Variants in CLCC1 observed in about 807,000 individuals in gnomAD.
CLCC1 encodes the protein chloride channel CLIC like 1.
Under a neutral mutation model 63.3 loss-of-function variants are expected in CLCC1, and 39 were observed. The observed-to-expected ratio is 0.62, with a 90% CI of 0.48 to 0.81. CLCC1 has a LOEUF of 0.81. CLCC1 is among the 30% of genes least tolerant of loss of function. The probability of loss-of-function intolerance (pLI) is 0.00; values close to 1 mark genes in which losing one functional copy is unlikely to be tolerated. For missense variants in CLCC1, 549 were observed against 669.4 expected (o/e 0.82, Z 1.98); for synonymous variants, 217 against 239.8 (o/e 0.90, Z 0.88).
intron 2 of CLCC1, among the ~76,000 whole-genome samples, chr1:108,956,615 C>A (rs1246594127): frequency 6.7e-6 from 1 of 148,168 alleles, no homozygotes; most frequent in African/African-American, 2.6e-5. Flanking sequence ...GAGGCGAGAT[C>A]ACACCACTGC....
chr1:108,954,332 A>G (rs1408826874), intron 2 of CLCC1, among the ~76,000 whole-genome samples: 1 of 150,744 alleles, frequency 6.6e-6, no homozygotes, highest in East Asian at 1.9e-4. Flanking sequence ...ATAAAACAAC[A>G]ACAACAACAA....
At chr1:108,958,505 A>T (rs1177534699) in intron 2 of CLCC1, among the ~76,000 whole-genome samples, 2 of 151,542 alleles carry the variant, frequency 1.3e-5, no homozygotes, top group South Asian at 4.1e-4. Flanking sequence ...CCTAAAGCAC[A>T]GTAGTAACGA....
intron 7 of CLCC1, 138 bp from the exon 8 acceptor site, chr1:108,941,636 AC>A (rs1653855836): frequency 1.3e-5 from 6 of 473,560 alleles, no homozygotes; most frequent in Non-Finnish European, 1.8e-5. Flanking sequence ...TTAAAAAAAA[AC>A]ATATTATTAT....
intron 10 of CLCC1, among the ~76,000 whole-genome samples, chr1:108,938,348 C>G (rs1367728504): frequency 1.3e-5 from 2 of 152,188 alleles, no homozygotes; most frequent in Non-Finnish European, 2.9e-5. Flanking sequence ...GGTGAAGACT[C>G]TGCTGATAAT....
At chr1:108,935,481 A>G (rs1163382719) in intron 11 of CLCC1, among the ~76,000 whole-genome samples, 2 of 152,180 alleles carry the variant, frequency 1.3e-5, no homozygotes, top group Admixed American at 6.6e-5. Context: ...TGAAAAAGTG[A>G]TATGGTTAGG....
At position 108,934,906 on chromosome 1, in the gene CLCC1, TC is replaced by T; in HGVS notation, c.1419del (p.Thr474GlnfsTer106). 6.2e-7 allele frequency: 1 copy of T among 1,613,926 alleles called. No homozygotes were observed. The highest frequency in any genetic ancestry group is 8.5e-7 in the Non-Finnish European group (1 of 1,179,824). Reference sequence around the variant, plus strand: ...GTGCCTTCCCCCAGGATTCCACCTGTCTCCTTGGGCTTTGTATCCAAAACAG... The same window carrying T: ...GTGCCTTCCCCCAGGATTCCACCTGTTCCTTGGGCTTTGTATCCAAAACAG... Reference protein sequence around the residue: ...KSPVLDTKPKETGGILGEGTP... With the variant: ...KSPVLDTKPKXTGGILGEGTP... On this transcript the variant is annotated frameshift_variant, in exon 12 of 13. Transcript: ENST00000369969. LOFTEE classifies it high-confidence loss of function.
chr1:108,949,951 C>A (rs1192490292), intron 3 of CLCC1, 30 bp from the exon 4 acceptor site: 1 of 1,353,452 alleles, frequency 7.4e-7, no homozygotes, highest in Non-Finnish European at 1.0e-6. Context: ...CATTTTATTT[C>A]TTTATAGTTT....
rs1041804948 is a variant in CLCC1 at position 108,931,923 on chromosome 1, C to A, written c.*624G>T. 1.9e-5 allele frequency: 3 copies of A among 155,380 alleles called. No homozygotes were observed. Among genetic ancestry groups the A allele is most frequent in the African/African-American group, 7.2e-5 (3 of 41,448 alleles). The allele number at this position is 155,380 out of a possible 1,614,324, so 9.6% of individuals were successfully genotyped here. A position where few individuals can be genotyped will look rare whatever the true frequency, so the allele number is the denominator to read the frequency against. On this transcript the variant is annotated 3_prime_UTR_variant, in exon 13 of 13. Coordinates refer to ENST00000369969, the MANE Select transcript of CLCC1 (RefSeq NM_001377458.1). ...CAGCCTGTAAACATTCAACATTATT[C>A]CATTTAAACATTGTTTTTAACAGCT...
intron 11 of CLCC1, among the ~76,000 whole-genome samples, chr1:108,935,315 A>G (rs1652738130): frequency 6.6e-6 from 1 of 152,232 alleles, no homozygotes; most frequent in South Asian, 2.1e-4. Context: ...AAAATACATA[A>G]AACTGTTCTC....
chr1:108,950,449 C>A lies in CLCC1; in HGVS notation c.-11-1G>T. The A allele has an allele frequency of 6.6e-7, 1 of 1,526,170 alleles. No individual in the cohort carries two copies. Among genetic ancestry groups the A allele is most frequent in the Non-Finnish European group, 8.8e-7 (1 of 1,134,210 alleles). The allele number at this position is 1,526,170 out of a possible 1,614,324, so 94.5% of individuals were successfully genotyped here. ...AAAGAACACAGCATCCTGTATAAGG[C>A]TAAAACAATTTTTAATATATATAAT... On this transcript the variant is annotated splice_acceptor_variant, in intron 2 of 12. Transcript: ENST00000369969. LOFTEE classifies it low-confidence loss of function (5UTR_SPLICE).
rs76958472 is a variant in CLCC1, at chr1:108,947,406, C to A, written c.339+205G>T. ...TCCATACAAACTAGAGGAGAAAGAG[C>A]GGTCTGCACTGCTCATCTTCCACCA... On this transcript the variant is annotated intron_variant, in intron 5 of 12. Coordinates refer to ENST00000369969, the MANE Select transcript of CLCC1 (RefSeq NM_001377458.1). Among the ~76,000 whole-genome samples the A allele has an allele frequency of 1.5e-3, 222 of 152,258 alleles. 1 individual carries two copies. Among genetic ancestry groups the A allele is most frequent in the African/African-American group, 4.8e-3 (199 of 41,550 alleles).
chr1:108,937,462 A>G (rs1653188907), intron 10 of CLCC1, 44 bp from the exon 11 acceptor site: 5 of 1,460,686 alleles, frequency 3.4e-6, no homozygotes, highest in Non-Finnish European at 4.6e-6. Flanking sequence ...TCAATGGCTA[A>G]CTTACAAAAG....
Position 108,941,439 on chromosome 1 carries a change from A to T in CLCC1, c.762T>A (p.Cys254Ter). The change falls in exon 8 of 13, where the codon TGT becomes TGA. Residue 254 changes from cysteine to a stop codon, truncating the protein, a stop_gained. Transcript: ENST00000369969. LOFTEE classifies it high-confidence loss of function. The stretch of plus-strand genomic sequence containing the variant: ...TTCCAGTCCAGTCCATCTTTTTGGC[A>T]CACACATTGTTTAATGGCTCCATCT... ...VAKMEPLNNV[C>*]AKKMDWTGSI... is the part of the protein sequence containing the mutation. 1 of 1,614,130 alleles carries T rather than the reference A, an allele frequency of 6.2e-7. No individual in the cohort carries two copies. The highest frequency in any genetic ancestry group is 8.5e-7 in the Non-Finnish European group (1 of 1,180,022).
chr1:108,937,080 G>A lies in CLCC1; in HGVS notation c.1380C>T (p.Pro460=). ...AEAREHPTVV[P]SHKSPVLDTK... ...AATAAAAGAGTTGCTGACTTACACT[G>A]GGTACCACCGTGGGATGCTCTCGTG... is the stretch of plus-strand genomic sequence containing the variant. Residue 460 remains proline (P), a synonymous_variant, in exon 11 of 13, where the codon CCC becomes CCT. Transcript: ENST00000369969. 2 of 1,500,466 alleles carry A rather than the reference G, an allele frequency of 1.3e-6. No homozygotes were observed. Among genetic ancestry groups the A allele is most frequent in the South Asian group, 1.4e-5 (1 of 71,566 alleles). The allele number at this position is 1,500,466 out of a possible 1,614,324, so 92.9% of individuals were successfully genotyped here.
Position 108,934,708 on chromosome 1 carries a change from G to A in CLCC1, c.1618C>T (p.Pro540Ser). 5 of 1,613,940 alleles carry A rather than the reference G, an allele frequency of 3.1e-6. No homozygotes were observed. Among genetic ancestry groups the A allele is most frequent in the Non-Finnish European group, 4.2e-6 (5 of 1,180,042 alleles). The change falls in exon 12 of 13, where the codon CCA (proline) becomes TCA (serine). Residue 540 changes from proline (P) to serine (S), a missense_variant. By Grantham distance (74) the Pro-to-Ser change is moderately conservative. Transcript: ENST00000369969. ...CTGCTGACCGGATCCTGTCCACGTG[G>A]TCCAGCCACACCTCTTGCGGGGCTG... Reference protein sequence around the residue: ...TYSPARGVAGPRGQDPVSSPC... With the variant: ...TYSPARGVAGSRGQDPVSSPC...
intron 11 of CLCC1, among the ~76,000 whole-genome samples, chr1:108,936,085 G>GTTTTTTT (rs530980387): frequency 6.8e-5 from 6 of 88,118 alleles, no homozygotes; most frequent in Admixed American, 1.5e-4. Flanking sequence ...ATCTTAAGTT[G>GTTTTTTT]TTTTTTTTTT....
rs1051118418 is a variant in CLCC1 at position 108,930,813 on chromosome 1, C to T, written c.*1734G>A. ...CTGAGGCAGGAGAATCACTTGAACC[C>T]CTGGGAGGCAGAGATTGCAGTGAGC... On this transcript the variant is annotated 3_prime_UTR_variant, in exon 13 of 13. Transcript: ENST00000369969. 2 of 152,632 alleles carry T rather than the reference C, an allele frequency of 1.3e-5. No homozygotes were observed. Among genetic ancestry groups the T allele is most frequent in the African/African-American group, 4.8e-5 (2 of 41,362 alleles). 9.5% of individuals were successfully genotyped at this position (152,632 alleles called of 1,614,324 possible). A position where few individuals can be genotyped will look rare whatever the true frequency, so the allele number is the denominator to read the frequency against.
chr1:108,944,682 T>G (rs1429708440), intron 5 of CLCC1, among the ~76,000 whole-genome samples: 1 of 151,578 alleles, frequency 6.6e-6, no homozygotes. Flanking sequence ...CAGGCTGGAG[T>G]GCAGTGACGC....
intron 10 of CLCC1, among the ~76,000 whole-genome samples, chr1:108,938,550 T>C (rs1373274321): frequency 6.6e-6 from 1 of 152,254 alleles, no homozygotes; most frequent in Non-Finnish European, 1.5e-5. Context: ...GAGTTCTTTT[T>C]GTTTTATGCG....
Sources: allele counts gnomAD v4.1 joint callset (sites outside exome capture counted in the v4.1 genomes callset), GRCh38; gene constraint gnomAD v4.1.1; transcripts MANE v1.5; gene names NCBI Gene and HGNC (gene_info 2026-07-23, HGNC 2026-07-21).